The following FER variants were observed in gnomAD, a reference collection of about 807,000 sequenced individuals.
FER encodes FER tyrosine kinase.
Under a neutral mutation model 111.0 loss-of-function variants are expected in FER, and 63 were observed. The ratio of observed to expected loss-of-function variants is 0.57; its 90% CI spans 0.46 to 0.70. FER has a LOEUF of 0.70. Among genes scored for constraint, FER ranks in the 30% least tolerant of loss-of-function variants. The pLI is 0.00. For synonymous variants in FER, 327 were observed against 313.9 expected (o/e 1.04, Z -0.44); for missense variants, 914 against 954.0 (o/e 0.96, Z 0.55).
At chr5:109,078,542 C>G (rs889018644) in intron 16 of FER, among the ~76,000 whole-genome samples, 1 of 152,034 alleles carries the variant, frequency 6.6e-6, no homozygotes, top group Non-Finnish European at 1.5e-5. Flanking sequence ...TTGAGTTTAC[C>G]TCAAGAAAGA....
chr5:109,083,909 T>C (rs1777272526), intron 16 of FER, among the ~76,000 whole-genome samples: 1 of 152,042 alleles, frequency 6.6e-6, no homozygotes, highest in Non-Finnish European at 1.5e-5. Flanking sequence ...GTCCTTTGTC[T>C]CTGACCTGTG....
At position 108,780,359 on chromosome 5, in the gene FER, G is replaced by T. The variant is rs530458545; in HGVS notation, c.-60+12121G>T. On this transcript the variant is annotated intron_variant, in intron 2 of 19. Transcript: ENST00000281092. ...CACTTTTGAAGGATAATTTTTCAAG[G>T]TACATAATTCTAGGTTAGTGGGTTT... Among the ~76,000 whole-genome samples the T allele has an allele frequency of 4.7e-5, 7 of 148,198 alleles. No homozygotes were observed. The South Asian group carries it at 8.6e-4, about 18-fold the overall frequency.
At chr5:109,147,251 A>C (rs544577138) in intron 17 of FER, among the ~76,000 whole-genome samples, 1 of 152,246 alleles carries the variant, frequency 6.6e-6, no homozygotes, top group South Asian at 2.1e-4. Context: ...TGTGTACTGC[A>C]AATTGGCAAG....
chr5:109,002,536 G>A (rs1339601871), intron 13 of FER, among the ~76,000 whole-genome samples: 2 of 151,964 alleles, frequency 1.3e-5, no homozygotes, highest in Non-Finnish European at 2.9e-5. Flanking sequence ...GAAAACCTAG[G>A]CATTACCATT....
intron 13 of FER, among the ~76,000 whole-genome samples, chr5:109,031,917 C>G (rs1346583370): frequency 6.6e-6 from 1 of 152,172 alleles, no homozygotes; most frequent in Non-Finnish European, 1.5e-5. Flanking sequence ...TTATCTTTAA[C>G]TCATCTGTTT....
At chr5:108,923,205 A>C (rs1476253688) in intron 10 of FER, among the ~76,000 whole-genome samples, 2 of 152,026 alleles carry the variant, frequency 1.3e-5, no homozygotes, top group African/African-American at 2.4e-5. Flanking sequence ...AAATTTTATA[A>C]AATTATTCTC....
At chr5:108,953,790 T>C (rs1758065934) in intron 11 of FER, among the ~76,000 whole-genome samples, 1 of 152,102 alleles carries the variant, frequency 6.6e-6, no homozygotes, top group Admixed American at 6.6e-5. Context: ...GCATTGTGCA[T>C]ATTGTATTTT....
chr5:109,049,398 G>A (rs543909384), intron 16 of FER, among the ~76,000 whole-genome samples: 40 of 152,238 alleles, frequency 2.6e-4, no homozygotes, highest in African/African-American at 9.6e-4. Flanking sequence ...TAAAGTTCCT[G>A]TTTCTTTGCC....
At chr5:108,969,977 A>G (rs986082081) in intron 13 of FER, among the ~76,000 whole-genome samples, 1 of 147,940 alleles carries the variant, frequency 6.8e-6, no homozygotes, top group Non-Finnish European at 1.5e-5. Flanking sequence ...TAATATGAAC[A>G]TTTTCTAAAA....
At chr5:109,051,363 T>C in intron 16 of FER, 2 of 1,611,226 alleles carry the variant, frequency 1.2e-6, no homozygotes, top group Non-Finnish European at 1.7e-6. Context: ...GACTGCTGGC[T>C]CTGCTTGAAG....
rs149706710 is a variant in FER, at chr5:108,768,754, A to G, written c.-60+516A>G. On this transcript the variant is annotated intron_variant, in intron 2 of 19. Coordinates refer to ENST00000281092, the MANE Select transcript of FER (RefSeq NM_005246.4). ...TGAATACACTGGATGTTCCATCCTT[A>G]TTTCTATCCTTATATTCTGGGGGAG... Among the ~76,000 whole-genome samples the G allele has an allele frequency of 9.7e-4, 148 of 152,186 alleles. 4 individuals carry two copies. In the East Asian group the frequency reaches 0.028, roughly 28 times the overall value.
chr5:108,889,867 A>AAATTAATTTTTTTATTAATTAAT (rs1747764371), intron 9 of FER, among the ~76,000 whole-genome samples: 1 of 151,992 alleles, frequency 6.6e-6, no homozygotes, highest in South Asian at 2.1e-4. Flanking sequence ...AGCAGCGGTG[A>AAATTAATTTTTTTATTAATTAAT]TACATATTTT....
chr5:108,882,366 CTTA>C (rs1765765533), intron 8 of FER, among the ~76,000 whole-genome samples: 1 of 151,600 alleles, frequency 6.6e-6, no homozygotes. Context: ...TGAAAAATAA[CTTA>C]TTATATAGTC....
At chr5:108,893,032 T>G (rs1280891977) in intron 9 of FER, among the ~76,000 whole-genome samples, 2 of 152,218 alleles carry the variant, frequency 1.3e-5, no homozygotes, top group African/African-American at 4.8e-5. Flanking sequence ...TCTACATCTC[T>G]GTTTTGGTAC....
chr5:108,888,332 G>A (rs925207145), intron 9 of FER, among the ~76,000 whole-genome samples: 1 of 151,882 alleles, frequency 6.6e-6, no homozygotes, highest in Non-Finnish European at 1.5e-5. Flanking sequence ...GTATGGTCAC[G>A]TGGCTCATGA....
At chr5:109,164,854 G>C (rs1379387387) in intron 17 of FER, among the ~76,000 whole-genome samples, 2 of 152,076 alleles carry the variant, frequency 1.3e-5, no homozygotes, top group Non-Finnish European at 2.9e-5. Context: ...CTTCCACTTA[G>C]CATGTTGACG....
chr5:109,122,781 A>C (rs1751150538), intron 17 of FER, among the ~76,000 whole-genome samples: 1 of 152,116 alleles, frequency 6.6e-6, no homozygotes, highest in African/African-American at 2.4e-5. Flanking sequence ...TAATTGTTAT[A>C]TATCTTGCTG....
chr5:109,005,296 T>C (rs879378267), intron 13 of FER, among the ~76,000 whole-genome samples: 1 of 151,874 alleles, frequency 6.6e-6, no homozygotes. Flanking sequence ...GGGCATGTAA[T>C]AGATCCAAGC....
intron 13 of FER, among the ~76,000 whole-genome samples, chr5:108,998,144 G>C (rs771332943): frequency 6.7e-6 from 1 of 149,054 alleles, no homozygotes; most frequent in Admixed American, 6.7e-5. Flanking sequence ...GGGGATGAAC[G>C]GTTCTGTCTT....
Sources: gnomAD v4.1 joint callset for allele counts (sites outside exome capture counted in the v4.1 genomes callset) on GRCh38, gnomAD v4.1.1 for gene constraint, MANE v1.5 for transcripts, NCBI Gene and HGNC (gene_info 2026-07-23, HGNC 2026-07-21) for gene names.